Variants in DOCK4 observed in about 807,000 individuals in gnomAD.
DOCK4 encodes dedicator of cytokinesis protein 4.
Under a neutral mutation model 268.1 loss-of-function variants are expected in DOCK4, and 97 were observed. The ratio of observed to expected loss-of-function variants is 0.36; its 90% confidence interval spans 0.31 to 0.43. DOCK4 has a LOEUF of 0.43. Ranked by LOEUF, DOCK4 falls within the 20% of genes least tolerant of loss-of-function variation. DOCK4 has a pLI of 1.00. For synonymous variants in DOCK4, 954 were observed against 887.2 expected, an observed-to-expected ratio of 1.08 and a Z score of -1.34; for missense variants, 2,145 against 2,455.7, an observed-to-expected ratio of 0.87 and a Z score of 2.67.
At chr7:111,885,313 G>C (rs775229914) in intron 16 of DOCK4, among the ~76,000 whole-genome samples, 18 of 152,182 alleles carry the variant, frequency 1.2e-4, no homozygotes, top group Non-Finnish European at 2.4e-4. Flanking sequence ...GGATGGGGTG[G>C]TTAAATACGG....
intron 25 of DOCK4, among the ~76,000 whole-genome samples, chr7:111,837,864 G>C (rs1174429452): frequency 6.6e-6 from 1 of 151,746 alleles, no homozygotes; most frequent in Non-Finnish European, 1.5e-5. Context: ...AGGCGGGTGA[G>C]TCACCTGAGG....
At chr7:111,933,371 T>C (rs1158984429) in intron 12 of DOCK4, among the ~76,000 whole-genome samples, 2 of 148,644 alleles carry the variant, frequency 1.3e-5, no homozygotes, top group African/African-American at 5.0e-5. Flanking sequence ...CTTGGCTCAC[T>C]GCAACCTCCG....
intron 12 of DOCK4, among the ~76,000 whole-genome samples, chr7:111,925,825 T>A (rs749753191): frequency 6.6e-6 from 1 of 152,188 alleles, no homozygotes; most frequent in Admixed American, 6.5e-5. Flanking sequence ...CAGTGGCTCA[T>A]GCCTGTAATC....
At chr7:112,198,163 G>A (rs1388683628) in intron 1 of DOCK4, among the ~76,000 whole-genome samples, 4 of 151,970 alleles carry the variant, frequency 2.6e-5, no homozygotes, top group Admixed American at 1.3e-4. Context: ...ATTAGGCCAT[G>A]AGGGGGAGCC....
At chr7:112,175,000 G>T (rs1342789203) in intron 1 of DOCK4, among the ~76,000 whole-genome samples, 2 of 148,484 alleles carry the variant, frequency 1.3e-5, no homozygotes, top group Non-Finnish European at 3.0e-5. Flanking sequence ...GAGTGCAGTG[G>T]CGCGATCTTG....
intron 1 of DOCK4, among the ~76,000 whole-genome samples, chr7:112,188,625 C>A (rs921811907): frequency 1.3e-5 from 2 of 152,226 alleles, no homozygotes; most frequent in Non-Finnish European, 2.9e-5. Context: ...TCATACCCCC[C>A]AACCCAGAAG....
chr7:111,971,564 C>T (rs955752007), intron 8 of DOCK4: 3 of 190,738 alleles, frequency 1.6e-5, no homozygotes, highest in East Asian at 1.7e-4. Flanking sequence ...ATCAGTTGAG[C>T]CTTCTTATTC....
rs374605086 is a variant in DOCK4 at position 111,944,812 on chromosome 7, G to A, written c.843C>T (p.Ile281=). 84 of 1,613,558 alleles carry A rather than the reference G, an allele frequency of 5.2e-5. 1 individual carries two copies. The highest frequency in any genetic ancestry group is 4.1e-4 in the African/African-American group (31 of 74,900). The part of the protein sequence containing the change: ...DIYITVHIIR[I]GRMGAGEKKN... ...TGCACTGACAAGTGTTATACCTACCGATTCGGATAATGTGCACGGTGATAT... is the reference window on the plus strand; with the variant it reads ...TGCACTGACAAGTGTTATACCTACCAATTCGGATAATGTGCACGGTGATAT... Residue 281 remains isoleucine, a splice_region_variant and synonymous_variant, in exon 10 of 53, where the codon ATC becomes ATT. Transcript: ENST00000428084.
At chr7:111,732,379 T>TG in intron 51 of DOCK4, 92 bp from the exon 52 acceptor site, 1 of 1,331,924 alleles carries the variant, frequency 7.5e-7, no homozygotes, top group Non-Finnish European at 1.1e-6. Context: ...CCCAAACAGA[T>TG]GATCCAGTGC....
chr7:112,081,499 A>C (rs1808582103), intron 1 of DOCK4, among the ~76,000 whole-genome samples: 1 of 152,184 alleles, frequency 6.6e-6, no homozygotes, highest in Admixed American at 6.5e-5. Context: ...AGAGCAGGTC[A>C]AGGAGACAAA....
At chr7:111,952,240 G>T (rs942436092) in intron 8 of DOCK4, among the ~76,000 whole-genome samples, 7 of 152,166 alleles carry the variant, frequency 4.6e-5, no homozygotes, top group Admixed American at 3.3e-4. Context: ...ATATTCTGAT[G>T]TACTCAAAAA....
intron 40 of DOCK4, 58 bp downstream of exon 40, chr7:111,760,123 C>T (rs1024114875): frequency 6.3e-7 from 1 of 1,590,320 alleles, no homozygotes; most frequent in South Asian, 1.1e-5. Flanking sequence ...CATGGAAATG[C>T]TCTGCAGCTA....
intron 30 of DOCK4, among the ~76,000 whole-genome samples, chr7:111,790,953 G>A (rs962362150): frequency 6.6e-6 from 1 of 150,904 alleles, no homozygotes; most frequent in South Asian, 2.1e-4. Flanking sequence ...AGCTACTTGG[G>A]AGGCTGAGGC....
At chr7:112,039,064 C>A (rs576520307) in intron 1 of DOCK4, among the ~76,000 whole-genome samples, 1 of 152,046 alleles carries the variant, frequency 6.6e-6, no homozygotes, top group Non-Finnish European at 1.5e-5. Context: ...ATGGAGGAGG[C>A]AGAACAGAGA....
At chr7:111,890,444 G>A (rs1333894503) in intron 16 of DOCK4, among the ~76,000 whole-genome samples, 1 of 152,144 alleles carries the variant, frequency 6.6e-6, no homozygotes, top group South Asian at 2.1e-4. Context: ...TATCACTGAT[G>A]TTCTGGGGGC....
At chr7:111,935,351 T>C in intron 12 of DOCK4, 189 bp downstream of exon 12, 1 of 654,956 alleles carries the variant, frequency 1.5e-6, no homozygotes. Context: ...ACATTTTTTA[T>C]AGGGAGTTAT....
At chr7:111,940,659 T>G (rs1212050289) in intron 10 of DOCK4, among the ~76,000 whole-genome samples, 1 of 152,232 alleles carries the variant, frequency 6.6e-6, no homozygotes, top group Non-Finnish European at 1.5e-5. Flanking sequence ...CTAGAGTAGT[T>G]TGAGGTTGTC....
intron 1 of DOCK4, among the ~76,000 whole-genome samples, chr7:112,204,177 T>C (rs566758828): frequency 5.3e-5 from 8 of 152,002 alleles, no homozygotes; most frequent in African/African-American, 1.9e-4. Flanking sequence ...CCCAGAGTGG[T>C]TTTTAAGCCT....
At chr7:111,901,159 C>A (rs190191724) in intron 14 of DOCK4, among the ~76,000 whole-genome samples, 1 of 152,066 alleles carries the variant, frequency 6.6e-6, no homozygotes, top group Admixed American at 6.5e-5. Flanking sequence ...CACGGTGAAA[C>A]CCTGTCTCTA....
Sources: allele counts gnomAD v4.1 joint callset (sites outside exome capture counted in the v4.1 genomes callset), GRCh38; gene constraint gnomAD v4.1.1; transcripts MANE v1.5; gene names NCBI Gene and HGNC (gene_info 2026-07-23, HGNC 2026-07-21).